USP26: variants seen among roughly 807,000 people sequenced by gnomAD.
USP26 encodes the protein ubiquitin carboxyl-terminal hydrolase 26.
For synonymous variants in USP26, 236 were observed against 240.6 expected, an observed-to-expected ratio of 0.98 and a Z score of 0.18; for missense variants, 649 against 642.3, an observed-to-expected ratio of 1.01 and a Z score of -0.11.
chrX:133,025,999 T>C lies in USP26; in HGVS notation c.2222A>G (p.Gln741Arg), dbSNP rs955146071. The change falls in exon 6 of 6, where the codon CAG becomes CGG. Residue 741 changes from glutamine to arginine, a missense_variant. Coordinates refer to ENST00000511190, the MANE Select transcript of USP26 (RefSeq NM_031907.3). ...RFQKVSEQTQ[Q>R]CDGMRICEQA... ...TTCACAGATTCTCATACCGTCACACTGCTGAGTCTGTTCAGACACTTTTTG... is the reference window on the plus strand; with the variant it reads ...TTCACAGATTCTCATACCGTCACACCGCTGAGTCTGTTCAGACACTTTTTG... 1.7e-6 allele frequency: 2 copies of C among 1,210,446 alleles called. No homozygotes were observed. The highest frequency in any genetic ancestry group is 1.1e-6 in the Non-Finnish European group (1 of 894,311).
chrX:133,029,623 C>A lies in USP26; in HGVS notation c.-76-1327G>T, dbSNP rs753759509. ...ACAGAAAAGGCAGTCTTAATTGTTCCTTTTTATTTCAACAACTTGAGAGAA... is the reference window on the plus strand; with the variant it reads ...ACAGAAAAGGCAGTCTTAATTGTTCATTTTTATTTCAACAACTTGAGAGAA... On this transcript the variant is annotated intron_variant, in intron 5 of 5. Transcript: ENST00000511190. Among the ~76,000 whole-genome samples the A allele has an allele frequency of 6.3e-5, 7 of 111,974 alleles. No homozygotes were observed. The South Asian group carries it at 2.6e-3, about 42-fold the overall frequency.
chrX:133,048,212 A>G (rs1290586527), intron 5 of USP26, among the ~76,000 whole-genome samples: 1 of 111,661 alleles, frequency 9.0e-6, no homozygotes, highest in East Asian at 2.8e-4. Context: ...TACCTTGGCA[A>G]CAGGTTATTC....
At chrX:133,063,508 C>G (rs1014930980) in intron 5 of USP26, among the ~76,000 whole-genome samples, 2 of 111,566 alleles carry the variant, frequency 1.8e-5, no homozygotes, top group South Asian at 3.8e-4. Flanking sequence ...AAAGGGAAGC[C>G]CATCACACTA....
At chrX:133,028,350 C>T (rs1364067818) in intron 5 of USP26, 54 bp from the exon 6 acceptor site, 5 of 796,554 alleles carry the variant, frequency 6.3e-6, no homozygotes, top group Non-Finnish European at 9.2e-6. Flanking sequence ...CAGAATGATC[C>T]TATTTCTAGT....
intron 5 of USP26, among the ~76,000 whole-genome samples, chrX:133,052,593 T>G (rs111955428): frequency 0.034 from 3,858 of 112,131 alleles, 97 homozygotes; most frequent in East Asian, 0.1. Context: ...TATTTTCAGT[T>G]GGAAAGAGAA....
At chrX:133,056,459 C>T (rs1167903216) in intron 5 of USP26, among the ~76,000 whole-genome samples, 2 of 111,276 alleles carry the variant, frequency 1.8e-5, no homozygotes, top group Non-Finnish European at 3.8e-5. Flanking sequence ...CTAGGAAGAG[C>T]CAATTAGGGG....
chrX:133,059,367 G>A (rs777441219), intron 5 of USP26, among the ~76,000 whole-genome samples: 1 of 111,170 alleles, frequency 9.0e-6, no homozygotes, highest in Non-Finnish European at 1.9e-5. Flanking sequence ...AGCCTCACTG[G>A]ATGAACAATA....
chrX:133,042,541 C>T (rs933283923), intron 5 of USP26, among the ~76,000 whole-genome samples: 2 of 111,152 alleles, frequency 1.8e-5, no homozygotes, highest in African/African-American at 6.6e-5. Flanking sequence ...CCTAACCAGT[C>T]CCTGTGAGAT....
intron 5 of USP26, among the ~76,000 whole-genome samples, chrX:133,050,598 A>AT (rs923229935): frequency 1.4e-4 from 16 of 111,094 alleles, no homozygotes; most frequent in South Asian, 7.6e-4. Flanking sequence ...TAAAGGTATA[A>AT]TTTTTTTTTA....
chrX:133,024,760 T>C lies in USP26; in HGVS notation c.*719A>G, dbSNP rs1433729796. The C allele has an allele frequency of 2.7e-5, 3 of 111,433 alleles. No homozygotes were observed. The Admixed American group carries it at 2.9e-4, about 11-fold the overall frequency. The allele number at this position is 111,433 out of a possible 1,213,427, so 9.2% of individuals were successfully genotyped here. A position where few individuals can be genotyped will look rare whatever the true frequency, so the allele number is the denominator to read the frequency against. On this transcript the variant is annotated 3_prime_UTR_variant, in exon 6 of 6. Transcript: ENST00000511190. ...AAATATACAACCAAGGTAGTGTATG[T>C]AGTACAGTAGTGGTTCTCAAACTGT...
chrX:133,084,009 G>A (rs2067579151), intron 4 of USP26, among the ~76,000 whole-genome samples: 1 of 111,129 alleles, frequency 9.0e-6, no homozygotes, highest in South Asian at 3.9e-4. Context: ...AAGAGCTCAA[G>A]CCAAAGCTCA....
Position 133,028,213 on chromosome X carries a change from G to GTT in USP26, c.7_8insAA (p.Ala3GlufsTer11). 1 of 1,209,562 alleles carries GTT rather than the reference G, an allele frequency of 8.3e-7. No homozygotes were observed. Among genetic ancestry groups the GTT allele is most frequent in the South Asian group, 1.8e-5 (1 of 56,902 alleles). On this transcript the variant is annotated frameshift_variant, in exon 6 of 6. Coordinates refer to ENST00000511190, the MANE Select transcript of USP26 (RefSeq NM_031907.3). LOFTEE classifies it low-confidence loss of function (END_TRUNC). ...TTGGACAAAACCACGTAGGAATAGG[G>GTT]CAGCCATGTTTTCTTTACAAATAAA...
At chrX:133,058,870 G>A (rs1030238756) in intron 5 of USP26, among the ~76,000 whole-genome samples, 16 of 111,072 alleles carry the variant, frequency 1.4e-4, no homozygotes, top group Middle Eastern at 4.6e-3. Context: ...GTGCAGTGGC[G>A]TGATCTCAGC....
At chrX:133,073,081 C>A (rs1288884154) in intron 5 of USP26, among the ~76,000 whole-genome samples, 2 of 111,308 alleles carry the variant, frequency 1.8e-5, no homozygotes, top group Non-Finnish European at 3.8e-5. Context: ...GTGATATGCA[C>A]TCCAAGGCAG....
In USP26 at chrX:133,055,308, T is replaced by C. The variant is rs752849466; in HGVS notation, c.-76-27012A>G. On this transcript the variant is annotated intron_variant, in intron 5 of 5. Coordinates refer to ENST00000511190, the MANE Select transcript of USP26 (RefSeq NM_031907.3). ...GGTTGCCAATGAGATTAGAGCTTCA[T>C]AGACACAGAGATGGCCCTTGCAGTG... Among the ~76,000 whole-genome samples, 193 of 111,431 alleles carry C rather than the reference T, an allele frequency of 1.7e-3. 1 individual carries two copies. The highest frequency in any genetic ancestry group is 5.8e-3 in the African/African-American group (178 of 30,658).
chrX:133,053,082 C>T (rs1201622916), intron 5 of USP26, among the ~76,000 whole-genome samples: 1 of 112,172 alleles, frequency 8.9e-6, no homozygotes, highest in African/African-American at 3.2e-5. Flanking sequence ...GTTTTTCTGA[C>T]ACCTTCAATC....
intron 5 of USP26, among the ~76,000 whole-genome samples, chrX:133,032,852 G>A (rs977229958): frequency 1.8e-5 from 2 of 111,581 alleles, no homozygotes; most frequent in Non-Finnish European, 3.8e-5. Context: ...GGGAGTAGGT[G>A]TCCAGCTCTC....
intron 5 of USP26, among the ~76,000 whole-genome samples, chrX:133,057,449 T>A (rs1050200975): frequency 9.0e-6 from 1 of 111,432 alleles, no homozygotes; most frequent in Non-Finnish European, 1.9e-5. Flanking sequence ...TCATTCTCTA[T>A]TGTTTTCCTA....
chrX:133,027,519 T>C lies in USP26; in HGVS notation c.702A>G (p.Glu234=), dbSNP rs759543255. The C allele has an allele frequency of 2.5e-6, 3 of 1,210,767 alleles. No homozygotes were observed. The highest frequency in any genetic ancestry group is 2.2e-6 in the Non-Finnish European group (2 of 894,940). The stretch of plus-strand genomic sequence containing the variant: ...CGTTCATGATGCATGAAGATTCACA[T>C]TCCAATTTCTTATTCTCTTCTAACT... ...LKELEENKKL[E]CESSCIMNAT... Residue 234 remains glutamate, a synonymous_variant, in exon 6 of 6, where the codon GAA becomes GAG. Transcript: ENST00000511190.
Sources: allele counts gnomAD v4.1 joint callset (sites outside exome capture counted in the v4.1 genomes callset), GRCh38; gene constraint gnomAD v4.1.1; transcripts MANE v1.5; gene names NCBI Gene and HGNC (gene_info 2026-07-23, HGNC 2026-07-21).